The following WFS1 variants were observed in gnomAD, a reference collection of about 807,000 sequenced individuals.
WFS1 encodes the protein wolframin.
Under a neutral mutation model 68.5 loss-of-function variants are expected in WFS1, and 90 were observed. The ratio of observed to expected loss-of-function variants is 1.31; its 90% confidence interval spans 1.11 to 1.56. The LOEUF is 1.56. WFS1 is among the 40% of genes most tolerant of loss of function. The probability of loss-of-function intolerance (pLI) is 0.00; values close to 1 mark genes in which losing one functional copy is unlikely to be tolerated. For synonymous variants in WFS1, 860 were observed against 540.7 expected (o/e 1.59, Z -8.19); for missense variants, 1,767 against 1,232.6 (o/e 1.43, Z -6.49).
intron 1 of WFS1, among the ~76,000 whole-genome samples, chr4:6,271,363 C>T (rs1167661147): frequency 6.6e-6 from 1 of 152,206 alleles, no homozygotes; most frequent in Non-Finnish European, 1.5e-5. Flanking sequence ...GCATGGAGGG[C>T]GTCTCTGACT....
In WFS1 at chr4:6,302,248, G is replaced by A. The variant is rs575851859; in HGVS notation, c.2453G>A (p.Arg818His). 119 of 1,605,114 alleles carry A rather than the reference G, an allele frequency of 7.4e-5. 1 individual carries two copies. The highest frequency in any genetic ancestry group is 3.3e-4 in the Middle Eastern group (2 of 6,038). The change falls in exon 8 of 8, where the codon CGC becomes CAC. Residue 818 changes from arginine (R) to histidine (H), a missense_variant. Transcript: ENST00000226760. Reference sequence around the variant, plus strand: ...TTCAAGAGCGTGCTGCTCAGCCTGCGCCAGGGCAGCCTCATCGAGTTCAGC... The same window carrying A: ...TTCAAGAGCGTGCTGCTCAGCCTGCACCAGGGCAGCCTCATCGAGTTCAGC... Reference protein sequence around the residue: ...SEFKSVLLSLRQGSLIEFSTI... With the variant: ...SEFKSVLLSLHQGSLIEFSTI...
chr4:6,275,528 G>A (rs1729966416), intron 1 of WFS1, among the ~76,000 whole-genome samples: 1 of 137,386 alleles, frequency 7.3e-6, no homozygotes, highest in Non-Finnish European at 1.5e-5. Flanking sequence ...TGCATGGTTT[G>A]CACCTGGGGG....
At chr4:6,275,847 G>A (rs191864275) in intron 1 of WFS1, among the ~76,000 whole-genome samples, 1 of 152,336 alleles carries the variant, frequency 6.6e-6, no homozygotes, top group African/African-American at 2.4e-5. Flanking sequence ...CACCTACTCA[G>A]ACCTGGCTGC....
rs748339717 is a variant in WFS1 at position 6,294,979 on chromosome 4, G to GT, written c.713-61dup. On this transcript the variant is annotated intron_variant, in intron 6 of 7. Transcript: ENST00000226760. ...GCCACCGTCCCCAGCCCATTGCTCT[G>GT]TGTGAGGGTGGCAGTGGGGCTGCAG... The GT allele has an allele frequency of 2.5e-6, 4 of 1,611,374 alleles. No individual in the cohort carries two copies. In the Admixed American group the frequency reaches 6.7e-5, roughly 27 times the overall value.
chr4:6,282,809 G>A (rs1730205001), intron 2 of WFS1, among the ~76,000 whole-genome samples: 1 of 152,196 alleles, frequency 6.6e-6, no homozygotes, highest in South Asian at 2.1e-4. Context: ...TGCTCAATCA[G>A]GGAGTTGAGC....
chr4:6,298,473 T>G (rs1481358884), intron 7 of WFS1, among the ~76,000 whole-genome samples: 1 of 149,884 alleles, frequency 6.7e-6, no homozygotes, highest in Non-Finnish European at 1.5e-5. Context: ...GTTAGCTGCT[T>G]TAATCGTTTA....
At position 6,302,619 on chromosome 4, in the gene WFS1, G is replaced by A; in HGVS notation, c.*151G>A. 1 of 1,081,882 alleles carries A rather than the reference G, an allele frequency of 9.2e-7. No individual in the cohort carries two copies. Among genetic ancestry groups the A allele is most frequent in the South Asian group, 1.6e-5 (1 of 63,964 alleles). 67.0% of individuals were successfully genotyped at this position (1,081,882 alleles called of 1,614,324 possible). ...CCTTGCGACCATGTGTAGATTGCGT[G>A]GACCCCGACAAAGGGAAGGCTGCTG... On this transcript the variant is annotated 3_prime_UTR_variant, in exon 8 of 8. Transcript: ENST00000226760.
At position 6,287,045 on chromosome 4, in the gene WFS1, A is replaced by C; in HGVS notation, c.233-48A>C. 6.6e-7 allele frequency: 1 copy of C among 1,523,622 alleles called. No homozygotes were observed. Among genetic ancestry groups the C allele is most frequent in the Non-Finnish European group, 8.9e-7 (1 of 1,121,300 alleles). 94.4% of individuals were successfully genotyped at this position (1,523,622 alleles called of 1,614,324 possible). A position where few individuals can be genotyped will look rare whatever the true frequency, so the allele number is the denominator to read the frequency against. On this transcript the variant is annotated intron_variant, in intron 2 of 7. Coordinates refer to ENST00000226760, the MANE Select transcript of WFS1 (RefSeq NM_006005.3). The surrounding 1 kb of genome is among the most constrained non-coding windows in gnomAD (Gnocchi z 6.4). ...CTTGTCCCCTCCATCCTGACAAGTG[A>C]CAAAGTCTGGCTTTGTGACATGTGT... is the stretch of plus-strand genomic sequence containing the variant.
intron 7 of WFS1, among the ~76,000 whole-genome samples, chr4:6,299,267 G>C (rs1730754891): frequency 6.6e-6 from 1 of 152,224 alleles, no homozygotes; most frequent in Non-Finnish European, 1.5e-5. Context: ...CTCCCAGCAT[G>C]CCTCCCTCAG....
chr4:6,288,322 G>A (rs1363636824), intron 3 of WFS1, among the ~76,000 whole-genome samples: 1 of 152,094 alleles, frequency 6.6e-6, no homozygotes, highest in Non-Finnish European at 1.5e-5. Flanking sequence ...GGGGAGCATA[G>A]TAAGCCCTTT....
In WFS1 at chr4:6,300,874, G is replaced by A. The variant is rs147157374; in HGVS notation, c.1079G>A (p.Cys360Tyr). The A allele has an allele frequency of 2.0e-4, 328 of 1,613,958 alleles. No individual in the cohort carries two copies. Among genetic ancestry groups the A allele is most frequent in the Admixed American group, 5.0e-4 (30 of 59,994 alleles). ...FYLSFISMVI[C>Y]TLKVFQDSKA... ...CTGTCCTTCATCTCCATGGTGATCTGCACCCTCAAGGTGTTCCAGGACAGC... is the reference window on the plus strand; with the variant it reads ...CTGTCCTTCATCTCCATGGTGATCTACACCCTCAAGGTGTTCCAGGACAGC... The change falls in exon 8 of 8, where the codon TGC becomes TAC. Residue 360 changes from cysteine (C) to tyrosine (Y), a missense_variant. Cys to Tyr is a radical substitution (Grantham distance 194, BLOSUM62 -2). Transcript: ENST00000226760.
At chr4:6,277,776 C>T (rs1289205087) in intron 2 of WFS1, 89 bp downstream of exon 2, 12 of 1,445,566 alleles carry the variant, frequency 8.3e-6, no homozygotes, top group East Asian at 5.0e-5. Flanking sequence ...AGGGTCCCCC[C>T]GCCAGGTCCT....
Position 6,277,464 on chromosome 4 carries a change from C to T in WFS1, c.9C>T (p.Ser3=), listed in dbSNP as rs71524363. The change falls in exon 2 of 8, where the codon TCC becomes TCT. Residue 3 remains serine (S), a synonymous_variant. Coordinates refer to ENST00000226760, the MANE Select transcript of WFS1 (RefSeq NM_006005.3). MD[S]NTAPLGPSCP... ...CTTTTCTTCCAGGCAGGATGGACTC[C>T]AACACTGCTCCGCTGGGCCCCTCCT... 4,041 of 1,554,850 alleles carry T rather than the reference C, an allele frequency of 2.6e-3. 101 individuals carry two copies. In the African/African-American group the frequency reaches 0.047, roughly 18 times the overall value.
At chr4:6,279,464 G>A (rs1730089699) in intron 2 of WFS1, among the ~76,000 whole-genome samples, 1 of 152,160 alleles carries the variant, frequency 6.6e-6, no homozygotes, top group South Asian at 2.1e-4. Flanking sequence ...GTGGAGGGGA[G>A]ATTTAAACAT....
chr4:6,282,805 A>G (rs1006123745), intron 2 of WFS1, among the ~76,000 whole-genome samples: 6 of 152,168 alleles, frequency 3.9e-5, no homozygotes, highest in African/African-American at 9.7e-5. Context: ...TATCTGCTCA[A>G]TCAGGGAGTT....
intron 7 of WFS1, among the ~76,000 whole-genome samples, chr4:6,299,142 C>T (rs978692534): frequency 3.9e-5 from 6 of 152,248 alleles, no homozygotes; most frequent in Non-Finnish European, 8.8e-5. Context: ...TCCAGTCCCT[C>T]TGCCTGGCTG....
chr4:6,288,091 C>T (rs1286971802), intron 3 of WFS1, among the ~76,000 whole-genome samples: 1 of 152,046 alleles, frequency 6.6e-6, no homozygotes, highest in Non-Finnish European at 1.5e-5. Context: ...GTGGTGCATG[C>T]CTGTAATCCC....
chr4:6,291,028 C>CAGGGGCATG lies in WFS1; in HGVS notation c.461-169_461-168insAGGGGCATG, dbSNP rs55640037. Among the ~76,000 whole-genome samples the CAGGGGCATG allele has an allele frequency of 0.63, 95,063 of 151,812 alleles. 30,371 individuals carry two copies. The highest frequency in any genetic ancestry group is 0.93 in the East Asian group (4,782 of 5,116). ...CCTCCCAGCTGGAGAGTGGGCGTGG[C>CAGGGGCATG]GCGATGTCCTCTTGAGTCAGATGTC... On this transcript the variant is annotated intron_variant, in intron 4 of 7. Coordinates refer to ENST00000226760, the MANE Select transcript of WFS1 (RefSeq NM_006005.3).
chr4:6,300,811 ACTTCTTCGCCTT>A lies in WFS1; in HGVS notation c.1021_1032del (p.Phe341_Phe344del). On this transcript the variant is annotated inframe_deletion, in exon 8 of 8. Transcript: ENST00000226760. ...TTCATCGTCAGCAACCTCACCATCG[ACTTCTTCGCCTT>A]CTTCATCCCGCTGGTCATCTTCTAC... 3.1e-6 allele frequency: 5 copies of A among 1,613,804 alleles called. No homozygotes were observed. Among genetic ancestry groups the A allele is most frequent in the African/African-American group, 1.3e-5 (1 of 74,918 alleles).
Sources: allele counts gnomAD v4.1 joint callset (sites outside exome capture counted in the v4.1 genomes callset), GRCh38; gene constraint gnomAD v4.1.1; non-coding constraint Gnocchi (gnomAD v3.1); transcripts MANE v1.5; gene names NCBI Gene and HGNC (gene_info 2026-07-23, HGNC 2026-07-21).